The following KIF16B variants were observed in gnomAD, a reference collection of about 807,000 sequenced individuals.
KIF16B encodes the protein kinesin family member 16B.
In KIF16B, 98 loss-of-function variants were observed where a neutral mutation model predicts 156.3. The ratio of observed to expected loss-of-function variants is 0.63; its 90% confidence interval spans 0.53 to 0.74. The LOEUF (loss-of-function observed/expected upper bound fraction) is 0.74. KIF16B is among the 30% of genes least tolerant of loss of function. The probability of loss-of-function intolerance (pLI) is 0.00; values close to 1 mark genes in which losing one functional copy is unlikely to be tolerated. For missense variants in KIF16B, 1,421 were observed against 1,606.5 expected (o/e 0.88, Z 1.97); for synonymous variants, 564 against 583.7 (o/e 0.97, Z 0.49).
intron 25 of KIF16B, among the ~76,000 whole-genome samples, chr20:16,283,379 G>C (rs2063175963): frequency 1.3e-5 from 2 of 152,082 alleles, no homozygotes; most frequent in South Asian, 2.1e-4. Flanking sequence ...ATCTCAACTG[G>C]GGCAGCTGAC....
chr20:16,541,408 A>G (rs530142995), intron 1 of KIF16B, among the ~76,000 whole-genome samples: 6 of 152,330 alleles, frequency 3.9e-5, no homozygotes, highest in African/African-American at 1.4e-4. Context: ...CTTGTGAGAA[A>G]CTGGCACAGC....
intron 15 of KIF16B, among the ~76,000 whole-genome samples, chr20:16,412,428 T>G (rs539363837): frequency 3.9e-5 from 6 of 152,210 alleles, no homozygotes; most frequent in Non-Finnish European, 7.4e-5. Context: ...GGGATGATAG[T>G]GTATTAGTCC....
chr20:16,472,406 T>C (rs992978782), intron 12 of KIF16B, among the ~76,000 whole-genome samples: 1 of 152,058 alleles, frequency 6.6e-6, no homozygotes, highest in African/African-American at 2.4e-5. Context: ...TTTATCAAGA[T>C]TGAGTCACAA....
chr20:16,435,516 A>G (rs1376777893), intron 12 of KIF16B, among the ~76,000 whole-genome samples: 1 of 152,150 alleles, frequency 6.6e-6, no homozygotes, highest in African/African-American at 2.4e-5. Context: ...CCTCTACTCT[A>G]TATTTTCCTG....
At chr20:16,400,862 GT>G (rs1161378090) in intron 17 of KIF16B, among the ~76,000 whole-genome samples, 2 of 152,158 alleles carry the variant, frequency 1.3e-5, no homozygotes, top group Non-Finnish European at 2.9e-5. Context: ...GGGAATGGAA[GT>G]TATATTTAAT....
intron 12 of KIF16B, among the ~76,000 whole-genome samples, chr20:16,489,189 G>GTCCTTGCTGCAGGACCT (rs2068211525): frequency 6.6e-6 from 1 of 152,110 alleles, no homozygotes; most frequent in South Asian, 2.1e-4. Flanking sequence ...TACCACAATG[G>GTCCTTGCTGCAGGACCT]GCTGGTCCTT....
intron 1 of KIF16B, among the ~76,000 whole-genome samples, chr20:16,538,390 T>C (rs1426181329): frequency 2.6e-5 from 4 of 152,234 alleles, no homozygotes; most frequent in Non-Finnish European, 2.9e-5. Context: ...AATCCTAAGA[T>C]ATTATTTGAC....
chr20:16,544,166 C>T (rs113404330), intron 1 of KIF16B, among the ~76,000 whole-genome samples: 5 of 152,274 alleles, frequency 3.3e-5, no homozygotes, highest in African/African-American at 9.6e-5. Flanking sequence ...GACCCAGAGG[C>T]ACCCAGGCTC....
At chr20:16,400,810 G>T (rs1466381587) in intron 17 of KIF16B, among the ~76,000 whole-genome samples, 2 of 152,184 alleles carry the variant, frequency 1.3e-5, no homozygotes, top group African/African-American at 4.8e-5. Context: ...AACTCATGGA[G>T]ACAAAAGTTG....
intron 22 of KIF16B, among the ~76,000 whole-genome samples, chr20:16,363,307 A>T (rs372671948): frequency 4.8e-4 from 73 of 152,302 alleles, no homozygotes; most frequent in African/African-American, 1.7e-3. Flanking sequence ...GGTAGAAGGC[A>T]ATCAGCCCAT....
intron 3 of KIF16B, 76 bp from the exon 4 acceptor site, chr20:16,515,740 T>C (rs1338616650): frequency 1.3e-6 from 1 of 776,958 alleles, no homozygotes; most frequent in East Asian, 2.5e-5. Context: ...GTTGACAATG[T>C]TCTTGAATGA....
intron 24 of KIF16B, among the ~76,000 whole-genome samples, chr20:16,323,113 C>T (rs2063794863): frequency 6.6e-6 from 1 of 151,990 alleles, no homozygotes; most frequent in Non-Finnish European, 1.5e-5. Flanking sequence ...AAACATTTGA[C>T]TTCTGTTAAC....
intron 17 of KIF16B, among the ~76,000 whole-genome samples, chr20:16,383,221 C>T (rs1283908216): frequency 6.6e-6 from 1 of 152,114 alleles, no homozygotes; most frequent in Non-Finnish European, 1.5e-5. Context: ...CCTCTGTCCA[C>T]CCAGCAAATT....
intron 12 of KIF16B, among the ~76,000 whole-genome samples, chr20:16,473,900 G>A (rs908136390): frequency 6.6e-6 from 1 of 152,212 alleles, no homozygotes; most frequent in African/African-American, 2.4e-5. Flanking sequence ...AATGAGCTCT[G>A]AGTATTTTTC....
intron 15 of KIF16B, among the ~76,000 whole-genome samples, chr20:16,420,622 C>T (rs563361380): frequency 6.6e-6 from 1 of 152,192 alleles, no homozygotes; most frequent in African/African-American, 2.4e-5. Flanking sequence ...CTTGAGTTAC[C>T]ACGCAGCCGC....
chr20:16,360,573 G>T (rs1317439419), intron 22 of KIF16B, among the ~76,000 whole-genome samples: 1 of 152,144 alleles, frequency 6.6e-6, no homozygotes, highest in African/African-American at 2.4e-5. Context: ...GCCATGGAGT[G>T]ATCCTATTTA....
chr20:16,487,978 T>C (rs1029030993), intron 12 of KIF16B, among the ~76,000 whole-genome samples: 7 of 152,186 alleles, frequency 4.6e-5, no homozygotes, highest in African/African-American at 7.2e-5. Context: ...ATCCAACTTA[T>C]ACAAATTGCT....
At position 16,528,389 on chromosome 20, in the gene KIF16B, C is replaced by T. The variant is rs149055207; in HGVS notation, c.99G>A (p.Thr33=). 6.8e-6 allele frequency: 11 copies of T among 1,613,782 alleles called. No homozygotes were observed. The highest frequency in any genetic ancestry group is 4.4e-5 in the South Asian group (4 of 91,076). The change falls in exon 2 of 26, where the codon ACG becomes ACA. Residue 33 remains threonine, a synonymous_variant. Coordinates refer to ENST00000354981, the MANE Select transcript of KIF16B (RefSeq NM_024704.5). Reference sequence around the variant, plus strand: ...GACTTGCCTTTAAGTTTGTGATTGTCGTTTTGCTTTTCTCCATCTGAATAA... The same window carrying T: ...GACTTGCCTTTAAGTTTGTGATTGTTGTTTTGCTTTTCTCCATCTGAATAA... ...KFIIQMEKSK[T]TITNLKIPEG... is the part of the protein sequence containing the mutation.
intron 18 of KIF16B, among the ~76,000 whole-genome samples, 192 bp downstream of exon 18, chr20:16,381,502 T>A (rs2065093933): frequency 7.0e-6 from 1 of 142,972 alleles, no homozygotes; most frequent in Admixed American, 6.9e-5. Flanking sequence ...TAAAAAAATT[T>A]AAACTTGAAG....
Sources: allele counts gnomAD v4.1 joint callset (sites outside exome capture counted in the v4.1 genomes callset), GRCh38; gene constraint gnomAD v4.1.1; transcripts MANE v1.5; gene names NCBI Gene and HGNC (gene_info 2026-07-23, HGNC 2026-07-21).